Variants in PPP6R1 observed in about 807,000 individuals in gnomAD.
The protein encoded by PPP6R1 is serine/threonine-protein phosphatase 6 regulatory subunit 1.
PPP6R1 carries 39 observed loss-of-function variants against 104.6 expected under a neutral mutation model. The observed-to-expected ratio is 0.37, with a 90% CI of 0.29 to 0.49. The LOEUF is 0.49. Ranked by LOEUF, PPP6R1 falls within the 20% of genes least tolerant of loss-of-function variation. The pLI, the probability that PPP6R1 is intolerant of heterozygous loss-of-function variation, is 0.98. For missense variants in PPP6R1, 1,181 were observed against 1,155.8 expected, an observed-to-expected ratio of 1.02 and a Z score of -0.32; for synonymous variants, 549 against 479.0, an observed-to-expected ratio of 1.15 and a Z score of -1.91.
chr19:55,244,974 G>A, intron 5 of PPP6R1, 146 bp downstream of exon 5: 1 of 1,250,950 alleles, frequency 8.0e-7, no homozygotes, highest in Non-Finnish European at 1.1e-6. Flanking sequence ...ATGGGCTCAA[G>A]TAATCCTCCC....
rs769048528 is a variant in PPP6R1, at chr19:55,236,680, C to T, written c.1951G>A (p.Ala651Thr). ...GGCTGGCCCAGACGGGCCCCCCTGG[C>T]CAGCTGGCTGCCCTGCCAGGCGCCA... ...EDGAWQGSQLARGARLGQPPG... is the reference protein window; with the variant it reads ...EDGAWQGSQLTRGARLGQPPG... Residue 651 changes from alanine to threonine, a missense_variant, in exon 17 of 24, where the codon GCC (alanine) becomes ACC (threonine). By Grantham distance (58) the Ala-to-Thr change is moderately conservative (BLOSUM62 0). Transcript: ENST00000412770. 1 of 1,601,492 alleles carries T rather than the reference C, an allele frequency of 6.2e-7. No homozygotes were observed. The highest frequency in any genetic ancestry group is 1.7e-5 in the Admixed American group (1 of 58,480).
chr19:55,249,293 A>G (rs962500426), intron 1 of PPP6R1, among the ~76,000 whole-genome samples: 3 of 152,232 alleles, frequency 2.0e-5, no homozygotes, highest in African/African-American at 7.2e-5. Context: ...CCAGGCTGGA[A>G]TGCAGTGGCA....
intron 1 of PPP6R1, among the ~76,000 whole-genome samples, chr19:55,247,965 C>T (rs1052078019): frequency 6.6e-6 from 1 of 152,228 alleles, no homozygotes; most frequent in Non-Finnish European, 1.5e-5. Context: ...AGCTGGCTCC[C>T]GCCCTCTGGA....
intron 17 of PPP6R1, among the ~76,000 whole-genome samples, chr19:55,234,108 G>A (rs940574670): frequency 5.3e-5 from 8 of 152,028 alleles, no homozygotes; most frequent in African/African-American, 1.2e-4. Flanking sequence ...CACCACAGCC[G>A]GCTAATTTTT....
rs2122624937 is a variant in PPP6R1, at chr19:55,241,619, T to C, written c.866A>G (p.Asn289Ser). The C allele has an allele frequency of 1.3e-6, 2 of 1,584,030 alleles. No homozygotes were observed. The highest frequency in any genetic ancestry group is 1.7e-6 in the Non-Finnish European group (2 of 1,166,554). ...CCCATCCACACTGCTGAAGAAGCTG[T>C]TCACGGTCACGGACTCGGACCTGCA... is the stretch of plus-strand genomic sequence containing the variant. ...RRPRSESVTV[N>S]SFFSSVDGQL... The change falls in exon 8 of 24, where the codon AAC (asparagine) becomes AGC (serine). Residue 289 changes from asparagine (N) to serine (S), a missense_variant. Physicochemically the swap from Asn to Ser is conservative, Grantham distance 46 (BLOSUM62 1). This residue lies in a region of PPP6R1 where 1,042 missense variants were observed against 955.6 expected (regional missense o/e 1.09). Transcript: ENST00000412770. The surrounding 1 kb of genome is among the most constrained non-coding windows in gnomAD (Gnocchi z 5.4).
At chr19:55,247,371 C>G in intron 1 of PPP6R1, 1 of 515,674 alleles carries the variant, frequency 1.9e-6, no homozygotes, top group Non-Finnish European at 3.5e-6. Flanking sequence ...TCTCCAGCCT[C>G]CCGGCCGCCT....
chr19:55,248,536 C>T (rs971587625), intron 1 of PPP6R1, among the ~76,000 whole-genome samples: 2 of 152,246 alleles, frequency 1.3e-5, no homozygotes, highest in African/African-American at 4.8e-5. Context: ...GCCTCTCCCG[C>T]AGGCCCTCAC....
At chr19:55,238,263 C>T (rs1028497048) in intron 15 of PPP6R1, among the ~76,000 whole-genome samples, 2 of 152,218 alleles carry the variant, frequency 1.3e-5, no homozygotes, top group African/African-American at 2.4e-5. Context: ...CAAAGACCAA[C>T]GCTCTGCAAG....
chr19:55,245,294 G>T lies in PPP6R1; in HGVS notation c.523C>A (p.Arg175=), dbSNP rs950924462. ...LLLRLLTCVE[R]PQLRQDVVNW... ...ACAACATCCTGCCTCAGCTGAGGCC[G>T]CTCCACACAGGTGAGCAGGCGCAGC... The change falls in exon 4 of 24, where the codon CGG becomes AGG. Residue 175 remains arginine (R), a synonymous_variant. Coordinates refer to ENST00000412770, the MANE Select transcript of PPP6R1 (RefSeq NM_014931.4). This position sits in a 1 kb window ranked among gnomAD's most constrained non-coding sequence, Gnocchi z 6.4. 6.2e-7 allele frequency: 1 copy of T among 1,601,676 alleles called. No homozygotes were observed. The highest frequency in any genetic ancestry group is 8.5e-7 in the Non-Finnish European group (1 of 1,174,782).
intron 5 of PPP6R1, among the ~76,000 whole-genome samples, chr19:55,244,004 A>G (rs2087483713): frequency 6.6e-6 from 1 of 152,230 alleles, no homozygotes; most frequent in Non-Finnish European, 1.5e-5. Context: ...ATACCCTAAA[A>G]GCGCTGAATC....
chr19:55,237,286 C>T (rs1486849793), intron 15 of PPP6R1, among the ~76,000 whole-genome samples: 3 of 152,082 alleles, frequency 2.0e-5, no homozygotes, highest in Non-Finnish European at 2.9e-5. Flanking sequence ...AGGACAGGTG[C>T]CAGAGAGGGA....
At chr19:55,238,044 C>T (rs139285087) in intron 15 of PPP6R1, among the ~76,000 whole-genome samples, 4 of 152,252 alleles carry the variant, frequency 2.6e-5, no homozygotes, top group African/African-American at 9.6e-5. Context: ...CATTCTCCTG[C>T]CAGGGTGGGG....
At position 55,231,481 on chromosome 19, in the gene PPP6R1, C is replaced by G. The variant is rs1274616412; in HGVS notation, c.2388G>C (p.Gln796His). The G allele has an allele frequency of 6.2e-7, 1 of 1,608,084 alleles. No individual in the cohort carries two copies. The highest frequency in any genetic ancestry group is 1.7e-5 in the Admixed American group (1 of 59,214). ...GAAGGTCCCCGATGCTAACCAAGGC[C>G]TGGCAAGGGGCTGTGGGGGATAAGA... ...SKVTEPSAPC[Q>H]ALVSIGDLQA... The change falls in exon 21 of 24, where the codon CAG becomes CAC. Residue 796 changes from glutamine to histidine, a missense_variant. By Grantham distance (24) the Gln-to-His change is conservative. This residue lies in a region of PPP6R1 where 1,042 missense variants were observed against 955.6 expected (regional missense o/e 1.09). Coordinates refer to ENST00000412770, the MANE Select transcript of PPP6R1 (RefSeq NM_014931.4).
chr19:55,235,155 T>C (rs2087385032), intron 17 of PPP6R1, among the ~76,000 whole-genome samples: 1 of 151,688 alleles, frequency 6.6e-6, no homozygotes, highest in Non-Finnish European at 1.5e-5. Flanking sequence ...CTGTCAAATC[T>C]ACATGGCATG....
chr19:55,251,090 G>A (rs2087549994), intron 1 of PPP6R1, among the ~76,000 whole-genome samples: 1 of 152,054 alleles, frequency 6.6e-6, no homozygotes, highest in East Asian at 1.9e-4. Flanking sequence ...CTCACAGAAG[G>A]GCCTTCCCTG....
rs181120464 is a variant in PPP6R1, at chr19:55,257,578, C to G, written c.-7+857G>C. On this transcript the variant is annotated intron_variant, in intron 1 of 23. Coordinates refer to ENST00000412770, the MANE Select transcript of PPP6R1 (RefSeq NM_014931.4). The stretch of plus-strand genomic sequence containing the variant: ...TCTGCACGTGCTGCTCCTTCCCCCC[C>G]CGGAAGGCCCTTCTTCCCACTCTCC... Among the ~76,000 whole-genome samples the G allele has an allele frequency of 1.7e-4, 26 of 152,216 alleles. No homozygotes were observed. In the East Asian group the frequency reaches 2.1e-3, roughly 12 times the overall value.
Position 55,241,556 on chromosome 19 carries a change from G to A in PPP6R1, c.929C>T (p.Thr310Ile), listed in dbSNP as rs1039358173. The A allele has an allele frequency of 1.3e-6, 2 of 1,580,546 alleles. No homozygotes were observed. The highest frequency in any genetic ancestry group is 1.3e-5 in the African/African-American group (1 of 74,144). ...ELLAQGALES[T>I]VSSVGALHAL... ...GTGCAAGGCGCCCACACTGGACACA[G>A]TGCTTTCCAGGGCCCCCTGGGCCAG... Residue 310 changes from threonine to isoleucine, a missense_variant, in exon 8 of 24, where the codon ACT becomes ATT. Coordinates refer to ENST00000412770, the MANE Select transcript of PPP6R1 (RefSeq NM_014931.4). This position sits in a 1 kb window ranked among gnomAD's most constrained non-coding sequence, Gnocchi z 5.4.
chr19:55,242,032 G>A, intron 7 of PPP6R1, 134 bp downstream of exon 7: 1 of 809,510 alleles, frequency 1.2e-6, no homozygotes, highest in Admixed American at 2.3e-5. Context: ...CCACTGTGCA[G>A]GGAGCACAGG....
chr19:55,242,484 T>C lies in PPP6R1; in HGVS notation c.623A>G (p.His208Arg). Residue 208 changes from histidine to arginine, a missense_variant, in exon 6 of 24, where the codon CAT becomes CGT. His to Arg is a conservative substitution (Grantham distance 29). This residue lies in a region of PPP6R1 where 1,042 missense variants were observed against 955.6 expected (regional missense o/e 1.09). Coordinates refer to ENST00000412770, the MANE Select transcript of PPP6R1 (RefSeq NM_014931.4). Reference protein sequence around the residue: ...QIHPSKDENQHSNASQSLCDI... With the variant: ...QIHPSKDENQRSNASQSLCDI... Reference sequence around the variant, plus strand: ...ACACAGGGACTGGGATGCGTTGGAATGTTGCTGGAACGGGGAGAGACAGGT... The same window carrying C: ...ACACAGGGACTGGGATGCGTTGGAACGTTGCTGGAACGGGGAGAGACAGGT... 2 of 1,613,056 alleles carry C rather than the reference T, an allele frequency of 1.2e-6. No homozygotes were observed. Among genetic ancestry groups the C allele is most frequent in the African/African-American group, 1.3e-5 (1 of 75,040 alleles).
Sources: gnomAD v4.1 joint callset for allele counts (sites outside exome capture counted in the v4.1 genomes callset) on GRCh38, gnomAD v4.1.1 for gene constraint, gnomAD v4.1.1 regional missense constraint, Gnocchi (gnomAD v3.1) non-coding constraint, MANE v1.5 for transcripts, NCBI Gene and HGNC (gene_info 2026-07-23, HGNC 2026-07-21) for gene names.